Variants in AUTS2 observed in about 807,000 individuals in gnomAD.
The protein encoded by AUTS2 is autism susceptibility gene 2 protein.
Under a neutral mutation model 112.4 loss-of-function variants are expected in AUTS2, and 17 were observed. That is an observed-to-expected ratio of 0.15 (90% CI 0.10 to 0.23). The LOEUF is 0.23. Ranked by LOEUF, AUTS2 falls within the 10% of genes least tolerant of loss-of-function variation. The probability of loss-of-function intolerance (pLI) is 1.00; values close to 1 mark genes in which losing one functional copy is unlikely to be tolerated. For synonymous variants in AUTS2, 751 were observed against 702.7 expected, an observed-to-expected ratio of 1.07 and a Z score of -1.09; for missense variants, 1,510 against 1,701.6, an observed-to-expected ratio of 0.89 and a Z score of 1.98.
intron 1 of AUTS2, among the ~76,000 whole-genome samples, chr7:69,729,994 A>ATTTTTTTTTTTTTTTTTTTTTT (rs10684331): frequency 1.8e-5 from 1 of 56,750 alleles, no homozygotes. Context: ...TGTTGTTTTA[A>ATTTTTTTTTTTTTTTTTTTTTT]TTTTTTTTTT....
At chr7:70,577,060 A>G (rs1343753823) in intron 5 of AUTS2, among the ~76,000 whole-genome samples, 2 of 152,226 alleles carry the variant, frequency 1.3e-5, no homozygotes, top group Admixed American at 6.5e-5. Flanking sequence ...TATGACACCA[A>G]TGCCAGGACT....
Position 70,789,976 on chromosome 7 carries a change from C to T in AUTS2, c.2760C>T (p.Asp920=), listed in dbSNP as rs1469423323. 5 of 1,611,864 alleles carry T rather than the reference C, an allele frequency of 3.1e-6. No homozygotes were observed. The highest frequency in any genetic ancestry group is 2.5e-6 in the Non-Finnish European group (3 of 1,179,224). The part of the protein sequence containing the change: ...KAKEGHLPEK[D]GHGHEGRAAG... ...AAGAGGGCCACCTGCCCGAGAAGGA[C>T]GGGCACGGCCACGAGGGGCGCGCCG... The change falls in exon 19 of 19, where the codon GAC becomes GAT. Residue 920 remains aspartate (D), a synonymous_variant. Coordinates refer to ENST00000342771, the MANE Select transcript of AUTS2 (RefSeq NM_015570.4).
At chr7:69,616,127 A>C (rs984331385) in intron 1 of AUTS2, among the ~76,000 whole-genome samples, 1 of 152,140 alleles carries the variant, frequency 6.6e-6, no homozygotes, top group African/African-American at 2.4e-5. Flanking sequence ...TTGGCTTCTC[A>C]GGAGTGTTTT....
chr7:70,739,035 T>TTTTTTTTTTTG (rs1787946528), intron 6 of AUTS2, among the ~76,000 whole-genome samples: 2 of 82,550 alleles, frequency 2.4e-5, no homozygotes, highest in Non-Finnish European at 4.4e-5. Flanking sequence ...TTTTTTTTTT[T>TTTTTTTTTTTG]TTGAGAGAGA....
chr7:69,700,260 TC>T, intron 1 of AUTS2, among the ~76,000 whole-genome samples: 1 of 152,348 alleles, frequency 6.6e-6, no homozygotes, highest in Middle Eastern at 3.4e-3. Flanking sequence ...TGATAGTATT[TC>T]CTTTTGTGTC....
intron 4 of AUTS2, among the ~76,000 whole-genome samples, chr7:70,306,014 A>ATT (rs1789477870): frequency 6.6e-6 from 1 of 152,192 alleles, no homozygotes; most frequent in Non-Finnish European, 1.5e-5. Flanking sequence ...ACTTAAGCTG[A>ATT]TGTCAAAGTC....
rs543356533 is a variant in AUTS2 at position 70,695,726 on chromosome 7, ACTTTC to A, written c.691-2838_691-2834del. On this transcript the variant is annotated intron_variant, in intron 5 of 18. Transcript: ENST00000342771. ...GCCTCCAATCTGTTTCACTTACTTA[ACTTTC>A]CTTTAAACGCCAACTACGGCTTCTA... is the stretch of plus-strand genomic sequence containing the variant. Among the ~76,000 whole-genome samples, 90 of 150,770 alleles carry A rather than the reference ACTTTC, an allele frequency of 6.0e-4. No homozygotes were observed. In the Middle Eastern group the frequency reaches 0.01, roughly 17 times the overall value.
At chr7:70,431,020 G>A (rs911805278) in intron 4 of AUTS2, among the ~76,000 whole-genome samples, 57 of 151,936 alleles carry the variant, frequency 3.8e-4, no homozygotes, top group African/African-American at 1.4e-3. Context: ...TGTATTTTTA[G>A]TAGAGACGGG....
intron 5 of AUTS2, among the ~76,000 whole-genome samples, chr7:70,550,627 G>A (rs139983102): frequency 2.1e-4 from 32 of 152,216 alleles, no homozygotes; most frequent in Non-Finnish European, 4.1e-4. Context: ...ATTGGAGTGG[G>A]AATTTACAGA....
At chr7:69,766,422 A>G (rs1040035294) in intron 1 of AUTS2, among the ~76,000 whole-genome samples, 4 of 152,234 alleles carry the variant, frequency 2.6e-5, no homozygotes, top group Admixed American at 6.5e-5. Flanking sequence ...GTGTGCAAAT[A>G]TGTTCTTGAG....
rs182402259 is a variant in AUTS2, at chr7:69,614,310, C to A, written c.309+14348C>A. Among the ~76,000 whole-genome samples, 823 of 91,860 alleles carry A rather than the reference C, an allele frequency of 9.0e-3. 5 individuals are homozygous for A. The highest frequency in any genetic ancestry group is 0.015 in the Non-Finnish European group (645 of 43,194). The allele number at this position is 91,860 out of a possible 152,430, so 60.3% of individuals were successfully genotyped here. The stretch of plus-strand genomic sequence containing the variant: ...ACACACTTCTCTCAAGAGTCACTCT[C>A]CGTCTCTTTCTTTCTTTCTTTCTTT... On this transcript the variant is annotated intron_variant, in intron 1 of 18. Transcript: ENST00000342771.
At chr7:69,753,692 C>T (rs541978400) in intron 1 of AUTS2, among the ~76,000 whole-genome samples, 2 of 152,238 alleles carry the variant, frequency 1.3e-5, no homozygotes, top group Non-Finnish European at 2.9e-5. Context: ...AGTGCTTATC[C>T]AAAAGTCAAT....
At chr7:70,120,144 T>G (rs575376667) in intron 3 of AUTS2, 1 of 152,264 alleles carries the variant, frequency 6.6e-6, no homozygotes, top group African/African-American at 2.4e-5. Flanking sequence ...CATCTCTCCA[T>G]CAGCCAAGGT....
chr7:70,692,131 G>T lies in AUTS2; in HGVS notation c.691-6438G>T, dbSNP rs1808787688. ...GATCCACCTGCCTCGGCCTCCCAAA[G>T]TGCTGGGATTACAGACGTGAGCAAC... On this transcript the variant is annotated intron_variant, in intron 5 of 18. Coordinates refer to ENST00000342771, the MANE Select transcript of AUTS2 (RefSeq NM_015570.4). Among the ~76,000 whole-genome samples, 3 of 152,276 alleles carry T rather than the reference G, an allele frequency of 2.0e-5. No individual in the cohort carries two copies. The South Asian group carries it at 6.2e-4, about 32-fold the overall frequency.
At position 70,257,036 on chromosome 7, in the gene AUTS2, C is replaced by T. The variant is rs115287474; in HGVS notation, c.660+122465C>T. The stretch of plus-strand genomic sequence containing the variant: ...TTAGATGCCTGGCTTCTGCCTTGCT[C>T]TTCATTGTTTTTTAAGCATAGTCCT... On this transcript the variant is annotated intron_variant, in intron 4 of 18. Coordinates refer to ENST00000342771, the MANE Select transcript of AUTS2 (RefSeq NM_015570.4). 3.9e-3 allele frequency among the ~76,000 whole-genome samples: 592 copies of T among 152,296 alleles called. 6 individuals are homozygous for T. The highest frequency in any genetic ancestry group is 0.014 in the African/African-American group (575 of 41,578).
At chr7:70,346,900 C>A (rs2129621651) in intron 4 of AUTS2, among the ~76,000 whole-genome samples, 1 of 152,296 alleles carries the variant, frequency 6.6e-6, no homozygotes, top group African/African-American at 2.4e-5. Context: ...TTGGAACAGA[C>A]AGTAGCCCAA....
At chr7:70,180,566 C>G (rs184545696) in intron 4 of AUTS2, among the ~76,000 whole-genome samples, 43 of 152,328 alleles carry the variant, frequency 2.8e-4, no homozygotes, top group Admixed American at 2.5e-3. Context: ...CTAGCACTAG[C>G]TCCCTATGCC....
chr7:70,709,328 T>C (rs1055565041), intron 6 of AUTS2, among the ~76,000 whole-genome samples: 3 of 152,184 alleles, frequency 2.0e-5, no homozygotes, highest in African/African-American at 7.2e-5. Context: ...TCACTCCATT[T>C]GACTTGCTTT....
At chr7:70,369,283 T>C (rs1323281939) in intron 4 of AUTS2, among the ~76,000 whole-genome samples, 1 of 152,248 alleles carries the variant, frequency 6.6e-6, no homozygotes, top group East Asian at 1.9e-4. Context: ...ACTTTGGCAC[T>C]AGGTGTAATC....
Sources: gnomAD v4.1 joint callset for allele counts (sites outside exome capture counted in the v4.1 genomes callset) on GRCh38, gnomAD v4.1.1 for gene constraint, MANE v1.5 for transcripts, NCBI Gene and HGNC (gene_info 2026-07-23, HGNC 2026-07-21) for gene names.